CCDC144A: variants seen among roughly 807,000 people sequenced by gnomAD.
CCDC144A encodes the protein coiled-coil domain-containing protein 144A.
In CCDC144A, 41 loss-of-function variants were observed where a neutral mutation model predicts 143.8. The observed-to-expected ratio is 0.29, with a 90% CI of 0.22 to 0.37. CCDC144A has a LOEUF of 0.37. Among genes scored for constraint, CCDC144A ranks in the 10% least tolerant of loss-of-function variants. The probability of loss-of-function intolerance (pLI) is 1.00; values close to 1 mark genes in which losing one functional copy is unlikely to be tolerated. For missense variants in CCDC144A, 637 were observed against 1,488.8 expected (o/e 0.43, Z 9.41); for synonymous variants, 242 against 517.9 (o/e 0.47, Z 7.23).
upstream of CCDC144A, among the ~76,000 whole-genome samples, chr17:16,687,767 CAT>C (rs1910835263): frequency 6.6e-6 from 1 of 152,174 alleles, no homozygotes; most frequent in Non-Finnish European, 1.5e-5. Flanking sequence ...CAGTAAAGGA[CAT>C]AACCTCACAG....
the CCDC144A span, among the ~76,000 whole-genome samples, chr17:16,670,542 C>G: frequency 6.6e-6 from 1 of 151,966 alleles, no homozygotes; most frequent in African/African-American, 2.4e-5. Flanking sequence ...GGGTCCCACT[C>G]TGGCACCCAG....
In CCDC144A at chr17:16,693,537, G is replaced by A. The variant is rs1368494043; in HGVS notation, c.415+488G>A. Among the ~76,000 whole-genome samples, 7 of 152,080 alleles carry A rather than the reference G, an allele frequency of 4.6e-5. No homozygotes were observed. In the East Asian group the frequency reaches 1.2e-3, roughly 25 times the overall value. ...TCACCGTGTTAGCCAGGATGGTCTC[G>A]ATCTCCTGACCTCATGATCCATCCG... On this transcript the variant is annotated intron_variant, in intron 2 of 16. Transcript: ENST00000399273.
the CCDC144A span, among the ~76,000 whole-genome samples, chr17:16,668,738 T>A: frequency 6.6e-6 from 1 of 152,222 alleles, no homozygotes; most frequent in Non-Finnish European, 1.5e-5. Context: ...AACAAAATAC[T>A]ATAAACTGGG....
chr17:16,719,172 A>T (rs2143173595), intron 6 of CCDC144A, among the ~76,000 whole-genome samples: 1 of 151,766 alleles, frequency 6.6e-6, no homozygotes, highest in South Asian at 2.1e-4. Flanking sequence ...TTGACCTACA[A>T]TGGATTATAA....
intron 3 of CCDC144A, chr17:16,705,980 G>A (rs1242877145): frequency 6.5e-6 from 1 of 154,156 alleles, no homozygotes; most frequent in Admixed American, 6.4e-5. Flanking sequence ...CTACTCAGGA[G>A]GCTGAAGCAG....
chr17:16,671,068 C>A, the CCDC144A span, among the ~76,000 whole-genome samples: 4 of 151,766 alleles, frequency 2.6e-5, no homozygotes, highest in African/African-American at 9.7e-5. Flanking sequence ...CTCATTGCAA[C>A]CTCCACTTGC....
At chr17:16,690,149 T>G (rs2143023148), upstream of CCDC144A, 1 of 344,578 alleles carries the variant, frequency 2.9e-6, no homozygotes, top group East Asian at 4.6e-5. Flanking sequence ...TCTGGGAGGC[T>G]GGAGCTGCAG....
chr17:16,776,662 T>G lies in CCDC144A; in HGVS notation c.*3029T>G, dbSNP rs1916012005. ...CATCTGCAAACAAAGATAGTTTGAC[T>G]TCCTGTCTTCCTATTTGAATAGCTT... On this transcript the variant is annotated 3_prime_UTR_variant, in exon 17 of 17. Coordinates refer to ENST00000399273, the MANE Select transcript of CCDC144A (RefSeq NM_001382000.1). The G allele has an allele frequency of 6.6e-6, 1 of 151,982 alleles. No individual in the cohort carries two copies. 9.4% of individuals were successfully genotyped at this position (151,982 alleles called of 1,614,324 possible).
At chr17:16,726,038 T>C (rs992006726) in intron 8 of CCDC144A, among the ~76,000 whole-genome samples, 1 of 152,182 alleles carries the variant, frequency 6.6e-6, no homozygotes, top group African/African-American at 2.4e-5. Context: ...TTAGCTTTCA[T>C]TCCTGACATT....
upstream of CCDC144A, among the ~76,000 whole-genome samples, chr17:16,689,268 TCA>T (rs1469305569): frequency 6.6e-6 from 1 of 152,114 alleles, no homozygotes; most frequent in Non-Finnish European, 1.5e-5. Flanking sequence ...CGATATCAGC[TCA>T]CTGCAACGTT....
intron 8 of CCDC144A, chr17:16,727,242 T>G: frequency 3.5e-6 from 1 of 283,210 alleles, no homozygotes; most frequent in Admixed American, 5.4e-5. Flanking sequence ...GGGCCCATTA[T>G]AGATCAAATT....
chr17:16,683,695 G>T, the CCDC144A span: 79 of 1,593,770 alleles, frequency 5.0e-5, 1 homozygote, highest in Non-Finnish European at 6.5e-5. Flanking sequence ...AATCAACATG[G>T]ACAAGAATCG....
the CCDC144A span, among the ~76,000 whole-genome samples, chr17:16,675,984 G>A: frequency 1.3e-5 from 2 of 151,690 alleles, no homozygotes; most frequent in East Asian, 1.9e-4. Context: ...TCCTCACCTC[G>A]TGATCCCCGC....
chr17:16,743,472 G>C (rs1309092136), intron 12 of CCDC144A, among the ~76,000 whole-genome samples: 4 of 152,048 alleles, frequency 2.6e-5, no homozygotes, highest in Non-Finnish European at 4.4e-5. Flanking sequence ...CCAAGACCTT[G>C]CTCTTTTGGT....
chr17:16,764,670 T>G (rs1403319180), intron 15 of CCDC144A: 3 of 176,914 alleles, frequency 1.7e-5, no homozygotes, highest in African/African-American at 7.2e-5. Flanking sequence ...TTATATGTTA[T>G]ATAAACCTGC....
At position 16,775,741 on chromosome 17, in the gene CCDC144A, G is replaced by T. The variant is rs1404325396; in HGVS notation, c.*2108G>T. On this transcript the variant is annotated 3_prime_UTR_variant, in exon 17 of 17. Transcript: ENST00000399273. Reference sequence around the variant, plus strand: ...CCATTTGTCAATTTTGGCTTTTGTTGCAATTGCTTTTGGCATCTTCGTCAT... The same window carrying T: ...CCATTTGTCAATTTTGGCTTTTGTTTCAATTGCTTTTGGCATCTTCGTCAT... 6.6e-6 allele frequency: 1 copy of T among 152,194 alleles called. No homozygotes were observed. Among genetic ancestry groups the T allele is most frequent in the Non-Finnish European group, 1.5e-5 (1 of 68,034 alleles). 9.4% of individuals were successfully genotyped at this position (152,194 alleles called of 1,614,324 possible).
At chr17:16,722,622 T>C (rs1913157609) in intron 8 of CCDC144A, among the ~76,000 whole-genome samples, 2 of 152,206 alleles carry the variant, frequency 1.3e-5, no homozygotes, top group African/African-American at 4.8e-5. Context: ...CATTGTAGTA[T>C]TATTCAAAGT....
At chr17:16,691,911 A>C (rs1028534792) in intron 1 of CCDC144A, 1 of 152,138 alleles carries the variant, frequency 6.6e-6, no homozygotes, top group African/African-American at 2.4e-5. Flanking sequence ...TATTTTGCGC[A>C]GTCACTAGAA....
At chr17:16,718,858 G>T in intron 6 of CCDC144A, among the ~76,000 whole-genome samples, 1 of 116,028 alleles carries the variant, frequency 8.6e-6, no homozygotes, top group Middle Eastern at 4.5e-3. Flanking sequence ...TTGAGACAGA[G>T]TCTTGCTCTT....
Sources: allele counts gnomAD v4.1 joint callset (sites outside exome capture counted in the v4.1 genomes callset), GRCh38; gene constraint gnomAD v4.1.1; transcripts MANE v1.5; gene names NCBI Gene and HGNC (gene_info 2026-07-23, HGNC 2026-07-21).